Variants in DNMT1 observed in about 807,000 individuals in gnomAD.
DNMT1 encodes DNA (cytosine-5)-methyltransferase 1.
A neutral mutation model predicts 205.3 loss-of-function variants in DNMT1; 24 were observed. That is an observed-to-expected ratio of 0.12 (90% confidence interval 0.08 to 0.16). The LOEUF is 0.16. Ranked by LOEUF, DNMT1 falls within the 10% of genes least tolerant of loss-of-function variation. The pLI, the probability that DNMT1 is intolerant of heterozygous loss-of-function variation, is 1.00. For synonymous variants in DNMT1, 817 were observed against 839.8 expected (o/e 0.97, Z 0.47); for missense variants, 1,293 against 2,177.7 (o/e 0.59, Z 8.09).
chr19:10,150,753 A>G (rs928354042), intron 24 of DNMT1, among the ~76,000 whole-genome samples: 1 of 152,108 alleles, frequency 6.6e-6, no homozygotes, highest in African/African-American at 2.4e-5. Flanking sequence ...GTGCCCCAAA[A>G]AGACCCACCC....
At position 10,162,599 on chromosome 19, in the gene DNMT1, A is replaced by G. The variant is rs1184882480; in HGVS notation, c.1008+68T>C. ...TTTTCCTAAGACCAGCCTGGGCAAC[A>G]TGGCGAAACCCCGTCTTGGGGAAAA... On this transcript the variant is annotated intron_variant, in intron 13 of 40. Transcript: ENST00000359526. 5 of 1,525,638 alleles carry G rather than the reference A, an allele frequency of 3.3e-6. No homozygotes were observed. In the African/African-American group the frequency reaches 4.2e-5, roughly 13 times the overall value. 94.5% of individuals were successfully genotyped at this position (1,525,638 alleles called of 1,614,324 possible).
At chr19:10,134,593 C>T (rs1270945009) in intron 39 of DNMT1, among the ~76,000 whole-genome samples, 2 of 152,242 alleles carry the variant, frequency 1.3e-5, no homozygotes, top group African/African-American at 4.8e-5. Context: ...GTGGCTCACG[C>T]CTGTAATCCC....
intron 1 of DNMT1, chr19:10,184,183 A>G (rs1370462875): frequency 6.6e-6 from 1 of 152,262 alleles, no homozygotes; most frequent in African/African-American, 2.4e-5. Flanking sequence ...CAGTATGGCC[A>G]GTGTCAGAAT....
chr19:10,150,707 C>G (rs2038322261), intron 24 of DNMT1, among the ~76,000 whole-genome samples: 1 of 152,230 alleles, frequency 6.6e-6, no homozygotes, highest in African/African-American at 2.4e-5. Flanking sequence ...TTCAGTGAAG[C>G]CAATGACCAC....
At chr19:10,136,361 T>C in intron 37 of DNMT1, 74 bp from the exon 38 acceptor site, 2 of 1,586,596 alleles carry the variant, frequency 1.3e-6, no homozygotes, top group South Asian at 1.1e-5. Context: ...TCTTAGAGCT[T>C]TGGGAGGCAG....
At chr19:10,180,131 TG>T in intron 5 of DNMT1, 55 bp downstream of exon 5, 1 of 594,594 alleles carries the variant, frequency 1.7e-6, no homozygotes. Context: ...CTGGCCAACA[TG>T]GTAAGACCCC....
chr19:10,189,603 TG>T (rs572078678), intron 1 of DNMT1, among the ~76,000 whole-genome samples: 18 of 150,010 alleles, frequency 1.2e-4, no homozygotes, highest in East Asian at 3.9e-4. Flanking sequence ...TTTTTTGAGA[TG>T]GGGGGGGTCT....
At chr19:10,193,665 C>CAAAA (rs35583463) in intron 1 of DNMT1, among the ~76,000 whole-genome samples, 5 of 106,116 alleles carry the variant, frequency 4.7e-5, no homozygotes, top group Admixed American at 2.8e-4. Context: ...ACCCAGCCTT[C>CAAAA]AAAAAAAAAA....
Position 10,138,547 on chromosome 19 carries a change from G to C in DNMT1, c.4007C>G (p.Pro1336Arg), listed in dbSNP as rs1307854066. The change falls in exon 35 of 41, where the codon CCT (proline) becomes CGT (arginine). Residue 1336 changes from proline (P) to arginine (R), a missense_variant. Pro to Arg is a moderately radical substitution (Grantham distance 103). Coordinates refer to ENST00000359526, the MANE Select transcript of DNMT1 (RefSeq NM_001130823.3). The surrounding 1 kb of genome is among the most constrained non-coding windows in gnomAD (Gnocchi z 4.1). ...RRRAIILAAA[P>R]GEKLPLFPEP... ...CGGGAACAGAGGGAGCTTCTCTCCA[G>C]GGGCCGCGGCCAGGATGATGGCCCG... 1 of 1,611,376 alleles carries C rather than the reference G, an allele frequency of 6.2e-7. No individual in the cohort carries two copies. Among genetic ancestry groups the C allele is most frequent in the Non-Finnish European group, 8.5e-7 (1 of 1,180,032 alleles).
chr19:10,166,881 C>T (rs2145341328), intron 10 of DNMT1, among the ~76,000 whole-genome samples, 196 bp from the exon 11 acceptor site: 1 of 152,316 alleles, frequency 6.6e-6, no homozygotes, highest in Non-Finnish European at 1.5e-5. Context: ...CCATCAATAC[C>T]CCATCTGAAT....
In DNMT1 at chr19:10,158,170, G is replaced by T. The variant is rs575363399; in HGVS notation, c.1280+1488C>A. 1.8e-3 allele frequency among the ~76,000 whole-genome samples: 269 copies of T among 152,316 alleles called. 1 individual carries two copies. Among genetic ancestry groups the T allele is most frequent in the Non-Finnish European group, 3.4e-3 (228 of 68,028 alleles). On this transcript the variant is annotated intron_variant, in intron 17 of 40. Coordinates refer to ENST00000359526, the MANE Select transcript of DNMT1 (RefSeq NM_001130823.3). ...CAGCCCCAGGCTCCCCCAAGCCTTT[G>T]TCCCTGGTGAAGGCCAGAGTGAGGC...
intron 10 of DNMT1, among the ~76,000 whole-genome samples, chr19:10,167,659 C>CA (rs1246505545): frequency 6.6e-6 from 1 of 152,216 alleles, no homozygotes; most frequent in Non-Finnish European, 1.5e-5. Context: ...CGACAGCCAC[C>CA]AAGCTGTAGA....
chr19:10,173,193 C>G lies in DNMT1; in HGVS notation c.684-19G>C. 1 of 1,614,034 alleles carries G rather than the reference C, an allele frequency of 6.2e-7. No homozygotes were observed. The highest frequency in any genetic ancestry group is 8.5e-7 in the Non-Finnish European group (1 of 1,179,912). On this transcript the variant is annotated intron_variant, in intron 8 of 40. Transcript: ENST00000359526. ...AGCAACTCTGTCAAGCAAAATAACA[C>G]AGACCCCAAGTGTGAGTGCCAGGAG...
intron 1 of DNMT1, among the ~76,000 whole-genome samples, chr19:10,185,992 C>T (rs556242711): frequency 7.2e-5 from 11 of 152,194 alleles, no homozygotes; most frequent in African/African-American, 2.4e-4. Flanking sequence ...GTACTTCCAG[C>T]CAGAGGCACA....
chr19:10,148,313 A>G (rs186841104), intron 27 of DNMT1, among the ~76,000 whole-genome samples: 2,079 of 150,370 alleles, frequency 0.014, 19 homozygotes, highest in Admixed American at 0.019. Flanking sequence ...TGGCTAACAC[A>G]GTGAAACCTC....
At chr19:10,191,658 G>A (rs2039307427) in intron 1 of DNMT1, among the ~76,000 whole-genome samples, 1 of 152,074 alleles carries the variant, frequency 6.6e-6, no homozygotes, top group Non-Finnish European at 1.5e-5. Flanking sequence ...AGGAATTCCT[G>A]CTTCCTGGCA....
At chr19:10,179,821 CTCTA>C (rs2039008079) in intron 5 of DNMT1, 1 of 161,128 alleles carries the variant, frequency 6.2e-6, no homozygotes, top group African/African-American at 2.4e-5. Flanking sequence ...GAAACCCCAT[CTCTA>C]CTAAAAATAC....
chr19:10,160,196 G>A (rs750305992), intron 14 of DNMT1, 133 bp from the exon 15 acceptor site: 285 of 1,550,702 alleles, frequency 1.8e-4, no homozygotes, highest in Non-Finnish European at 1.5e-4. Flanking sequence ...AGGCCCAGGC[G>A]CGTGGTCACA....
chr19:10,180,820 T>C lies in DNMT1; in HGVS notation c.183A>G (p.Leu61=), dbSNP rs2145379771. The change falls in exon 3 of 41, where the codon TTA becomes TTG. Residue 61 remains leucine (L), a synonymous_variant. Coordinates refer to ENST00000359526, the MANE Select transcript of DNMT1 (RefSeq NM_001130823.3). The part of the protein sequence containing the change: ...EFLQTEIKNQ[L]CDLETKLRKE... The stretch of plus-strand genomic sequence containing the variant: ...TACGTAATTTGGTTTCCAAGTCACA[T>C]AACTGATTCTTTATTTCTGTTTGCA... 1.2e-6 allele frequency: 2 copies of C among 1,614,192 alleles called. No individual in the cohort carries two copies. Among genetic ancestry groups the C allele is most frequent in the Non-Finnish European group, 1.7e-6 (2 of 1,180,034 alleles).
Sources: gnomAD v4.1 joint callset for allele counts (sites outside exome capture counted in the v4.1 genomes callset) on GRCh38, gnomAD v4.1.1 for gene constraint, Gnocchi (gnomAD v3.1) non-coding constraint, MANE v1.5 for transcripts, NCBI Gene and HGNC (gene_info 2026-07-23, HGNC 2026-07-21) for gene names.